HS3ST4: variants seen among roughly 807,000 people sequenced by gnomAD.
HS3ST4 encodes the protein heparan sulfate glucosamine 3-O-sulfotransferase 4.
A neutral mutation model predicts 29.2 loss-of-function variants in HS3ST4; 17 were observed. That is an observed-to-expected ratio of 0.58 (90% CI 0.40 to 0.87). The LOEUF (loss-of-function observed/expected upper bound fraction) is 0.87, where lower values mean the gene tolerates loss of function less well. HS3ST4 is among the 40% of genes least tolerant of loss of function. The pLI, the probability that HS3ST4 is intolerant of heterozygous loss-of-function variation, is 0.00. For missense variants in HS3ST4, 627 were observed against 634.5 expected, an observed-to-expected ratio of 0.99 and a Z score of 0.13; for synonymous variants, 314 against 285.7, an observed-to-expected ratio of 1.10 and a Z score of -1.00.
intron 1 of HS3ST4, among the ~76,000 whole-genome samples, chr16:25,906,203 C>T (rs35495384): frequency 0.24 from 36,075 of 152,048 alleles, 5,465 homozygotes; most frequent in Non-Finnish European, 0.35. Flanking sequence ...CTGAAGACTT[C>T]CTTCTCTTTG....
In HS3ST4 at chr16:25,722,227, A is replaced by C. The variant is rs138180878; in HGVS notation, c.734+29076A>C. Among the ~76,000 whole-genome samples, 538 of 152,318 alleles carry C rather than the reference A, an allele frequency of 3.5e-3. 2 individuals carry two copies. The highest frequency in any genetic ancestry group is 0.012 in the African/African-American group (490 of 41,576). Reference sequence around the variant, plus strand: ...GCTACCTTGTGTACCTTACAGTGCAAATGGTTTTCATTAAAACCTGCAGGG... The same window carrying C: ...GCTACCTTGTGTACCTTACAGTGCACATGGTTTTCATTAAAACCTGCAGGG... On this transcript the variant is annotated intron_variant, in intron 1 of 1. Coordinates refer to ENST00000331351, the MANE Select transcript of HS3ST4 (RefSeq NM_006040.3).
chr16:25,755,453 A>C (rs1012143015), intron 1 of HS3ST4, among the ~76,000 whole-genome samples: 1 of 152,132 alleles, frequency 6.6e-6, no homozygotes, highest in African/African-American at 2.4e-5. Context: ...TGGAAAAACC[A>C]TGGCATGCAT....
At chr16:25,747,568 C>A (rs1445900877) in intron 1 of HS3ST4, among the ~76,000 whole-genome samples, 1 of 152,214 alleles carries the variant, frequency 6.6e-6, no homozygotes, top group Non-Finnish European at 1.5e-5. Context: ...TCTTATCAGG[C>A]AGATGTTATT....
chr16:25,810,856 GT>G, intron 1 of HS3ST4, among the ~76,000 whole-genome samples: 1 of 152,214 alleles, frequency 6.6e-6, no homozygotes, highest in East Asian at 1.9e-4. Flanking sequence ...CCTCATTTAT[GT>G]TTTGTAGCTT....
At chr16:25,744,471 A>G (rs1175507474) in intron 1 of HS3ST4, among the ~76,000 whole-genome samples, 1 of 152,192 alleles carries the variant, frequency 6.6e-6, no homozygotes, top group Non-Finnish European at 1.5e-5. Context: ...AGTGCCTTAA[A>G]TATCACTGAA....
Position 25,822,707 on chromosome 16 carries a change from A to T in HS3ST4, c.734+129556A>T, listed in dbSNP as rs140848617. 2.2e-3 allele frequency among the ~76,000 whole-genome samples: 330 copies of T among 151,902 alleles called. 1 individual carries two copies. Among genetic ancestry groups the T allele is most frequent in the African/African-American group, 7.7e-3 (321 of 41,440 alleles). On this transcript the variant is annotated intron_variant, in intron 1 of 1. Coordinates refer to ENST00000331351, the MANE Select transcript of HS3ST4 (RefSeq NM_006040.3). ...ATATTTGGAGGGTGGGTGGGGGAAGAAGCTGAGGTGTGTGTTCCCCCAGGA... is the reference window on the plus strand; with the variant it reads ...ATATTTGGAGGGTGGGTGGGGGAAGTAGCTGAGGTGTGTGTTCCCCCAGGA...
At chr16:25,903,302 G>GTGTGTGTA (rs151301516) in intron 1 of HS3ST4, among the ~76,000 whole-genome samples, 8,667 of 102,838 alleles carry the variant, frequency 0.084, 1,077 homozygotes, top group Admixed American at 0.17. Context: ...GTGTGTGTGT[G>GTGTGTGTA]TATGTATATG....
intron 1 of HS3ST4, among the ~76,000 whole-genome samples, chr16:25,715,369 C>T (rs891215885): frequency 6.6e-6 from 1 of 151,080 alleles, no homozygotes; most frequent in Non-Finnish European, 1.5e-5. Flanking sequence ...AAACTCAGCG[C>T]CTTTTGTGCC....
intron 1 of HS3ST4, among the ~76,000 whole-genome samples, chr16:25,898,314 GA>G (rs1161562201): frequency 1.3e-5 from 2 of 152,202 alleles, no homozygotes; most frequent in African/African-American, 4.8e-5. Context: ...GCAGGATCCT[GA>G]GCTCCTTGCA....
chr16:26,034,276 GCATTTAAGGGAGCTGTAAGTGTGGAT>G (rs1969562012), intron 1 of HS3ST4, among the ~76,000 whole-genome samples: 1 of 152,182 alleles, frequency 6.6e-6, no homozygotes, highest in Non-Finnish European at 1.5e-5. Flanking sequence ...GACCCAGGCA[GCATTTAAGGGAGCTGTAAGTGTGGAT>G]GCCTGAATGG....
At chr16:26,080,503 A>T (rs561112917) in intron 1 of HS3ST4, among the ~76,000 whole-genome samples, 1 of 152,282 alleles carries the variant, frequency 6.6e-6, no homozygotes, top group East Asian at 1.9e-4. Context: ...GATCCCAGGA[A>T]ACACAAATAG....
chr16:25,888,488 A>G lies in HS3ST4; in HGVS notation c.734+195337A>G, dbSNP rs964993672. ...CCCAGTAGAAAGATGACTCCTTTTAACAAAAAAAATTACAGTGACTTCCAA... is the reference window on the plus strand; with the variant it reads ...CCCAGTAGAAAGATGACTCCTTTTAGCAAAAAAAATTACAGTGACTTCCAA... On this transcript the variant is annotated intron_variant, in intron 1 of 1. Coordinates refer to ENST00000331351, the MANE Select transcript of HS3ST4 (RefSeq NM_006040.3). Among the ~76,000 whole-genome samples, 3 of 152,166 alleles carry G rather than the reference A, an allele frequency of 2.0e-5. No individual in the cohort carries two copies. In the South Asian group the frequency reaches 6.2e-4, roughly 32 times the overall value.
intron 1 of HS3ST4, among the ~76,000 whole-genome samples, chr16:25,977,369 C>T (rs1188288544): frequency 6.6e-6 from 1 of 152,180 alleles, no homozygotes; most frequent in Non-Finnish European, 1.5e-5. Flanking sequence ...TCCAGTTGCA[C>T]TGAAACCCTT....
chr16:26,120,715 C>T (rs907037748), intron 1 of HS3ST4, among the ~76,000 whole-genome samples: 5 of 152,208 alleles, frequency 3.3e-5, no homozygotes, highest in Admixed American at 6.5e-5. Flanking sequence ...ACCCCAGCAA[C>T]GCTTTCACCA....
At chr16:26,128,900 A>G (rs1051516515) in intron 1 of HS3ST4, among the ~76,000 whole-genome samples, 1 of 152,122 alleles carries the variant, frequency 6.6e-6, no homozygotes, top group African/African-American at 2.4e-5. Flanking sequence ...TGCTGTAACC[A>G]CCATCCTCTT....
Position 26,136,056 on chromosome 16 carries a change from G to A in HS3ST4, c.1179G>A (p.Gly393=), listed in dbSNP as rs1443624504. The change falls in exon 2 of 2, where the codon GGG becomes GGA. Residue 393 remains glycine, a synonymous_variant. Transcript: ENST00000331351. ...EKHFYFNKTK[G]FPCLKKPEDS... ...ATTTCTATTTCAACAAAACCAAGGG[G>A]TTCCCTTGCCTAAAGAAGCCAGAAG... The A allele has an allele frequency of 1.9e-6, 3 of 1,613,870 alleles. No homozygotes were observed. In the Admixed American group the frequency reaches 5.0e-5, roughly 27 times the overall value.
intron 1 of HS3ST4, among the ~76,000 whole-genome samples, chr16:25,989,521 A>G (rs1286620776): frequency 1.3e-5 from 2 of 152,216 alleles, no homozygotes; most frequent in African/African-American, 2.4e-5. Context: ...CCTCAGCTAT[A>G]TAAATTAGTT....
At chr16:26,003,900 C>A (rs1969233848) in intron 1 of HS3ST4, among the ~76,000 whole-genome samples, 1 of 152,058 alleles carries the variant, frequency 6.6e-6, no homozygotes, top group Non-Finnish European at 1.5e-5. Flanking sequence ...GCCTCCAAGT[C>A]CTGGGTCTTC....
chr16:26,104,909 C>T (rs1899032540), intron 1 of HS3ST4, among the ~76,000 whole-genome samples: 1 of 152,196 alleles, frequency 6.6e-6, no homozygotes, highest in African/African-American at 2.4e-5. Flanking sequence ...AATCTACTGG[C>T]AAATTCTGTT....
Sources: gnomAD v4.1 joint callset for allele counts (sites outside exome capture counted in the v4.1 genomes callset) on GRCh38, gnomAD v4.1.1 for gene constraint, MANE v1.5 for transcripts, NCBI Gene and HGNC (gene_info 2026-07-23, HGNC 2026-07-21) for gene names.